AP3S1: variants seen among roughly 807,000 people sequenced by gnomAD.
AP3S1 encodes adaptor related protein complex 3 subunit sigma 1.
In AP3S1, 12 loss-of-function variants were observed where a neutral mutation model predicts 21.3. The ratio of observed to expected loss-of-function variants is 0.56; its 90% CI spans 0.36 to 0.91. The LOEUF (loss-of-function observed/expected upper bound fraction) is 0.91, where lower values mean the gene tolerates loss of function less well. AP3S1 is among the 40% of genes least tolerant of loss of function. The probability of loss-of-function intolerance (pLI) is 0.01; values close to 1 mark genes in which losing one functional copy is unlikely to be tolerated. For synonymous variants in AP3S1, 48 were observed against 78.4 expected, an observed-to-expected ratio of 0.61 and a Z score of 2.05; for missense variants, 116 against 225.0, an observed-to-expected ratio of 0.52 and a Z score of 3.10.
intron 1 of AP3S1, among the ~76,000 whole-genome samples, chr5:115,844,516 C>T (rs1761914413): frequency 6.6e-6 from 1 of 152,110 alleles, no homozygotes; most frequent in Non-Finnish European, 1.5e-5. Context: ...AAGAGCATCC[C>T]GGGTAGAAGG....
Position 115,866,713 on chromosome 5 carries a change from T to C in AP3S1, c.113T>C (p.Leu38Ser), listed in dbSNP as rs748328821. Residue 38 changes from leucine (L) to serine (S), a missense_variant, in exon 2 of 6, where the codon TTG becomes TCG. Coordinates refer to ENST00000316788, the MANE Select transcript of AP3S1 (RefSeq NM_001284.4). ...CAAATCATCAGGGAGACTTTCCATT[T>C]GGTATCTAAGAGAGATGAAAATGTT... ...QQQIIRETFH[L>S]VSKRDENVCN... 6.2e-7 allele frequency: 1 copy of C among 1,606,914 alleles called. No homozygotes were observed. The highest frequency in any genetic ancestry group is 1.7e-5 in the Admixed American group (1 of 59,392).
chr5:115,855,841 C>G (rs1315479205), intron 1 of AP3S1, among the ~76,000 whole-genome samples: 2 of 152,060 alleles, frequency 1.3e-5, no homozygotes, highest in African/African-American at 4.8e-5. Flanking sequence ...TAAGAAAATA[C>G]TTTCCTAAAT....
chr5:115,851,332 G>C (rs1420825914), intron 1 of AP3S1, among the ~76,000 whole-genome samples: 1 of 152,054 alleles, frequency 6.6e-6, no homozygotes, highest in African/African-American at 2.4e-5. Context: ...CTTTTTATAG[G>C]TACATACCCA....
intron 1 of AP3S1, chr5:115,852,977 A>G (rs1239880185): frequency 2.2e-6 from 1 of 453,566 alleles, no homozygotes; most frequent in Non-Finnish European, 4.4e-6. Flanking sequence ...TCATTTCTCT[A>G]GGGTATATAA....
Position 115,860,203 on chromosome 5 carries a change from C to T in AP3S1, c.70-6467C>T, listed in dbSNP as rs1580637977. 2.6e-5 allele frequency among the ~76,000 whole-genome samples: 4 copies of T among 152,328 alleles called. No individual in the cohort carries two copies. The South Asian group carries it at 8.3e-4, about 32-fold the overall frequency. ...TGATTCTTTTTCTCTAGTCACATCT[C>T]CCTCTGACCACAGCCCAGGAAAGAT... is the stretch of plus-strand genomic sequence containing the variant. On this transcript the variant is annotated intron_variant, in intron 1 of 5. Coordinates refer to ENST00000316788, the MANE Select transcript of AP3S1 (RefSeq NM_001284.4).
intron 5 of AP3S1, among the ~76,000 whole-genome samples, chr5:115,910,168 G>C (rs1751981912): frequency 6.6e-6 from 1 of 150,942 alleles, no homozygotes; most frequent in Admixed American, 6.6e-5. Flanking sequence ...TCAGGAGACA[G>C]ATGGGAAGAT....
chr5:115,874,343 G>A (rs1035647518), intron 3 of AP3S1, among the ~76,000 whole-genome samples: 14 of 151,976 alleles, frequency 9.2e-5, no homozygotes, highest in African/African-American at 3.4e-4. Flanking sequence ...ATATTTACAG[G>A]ATGAGAATAG....
chr5:115,903,372 A>G (rs1404946712), intron 5 of AP3S1: 1 of 154,334 alleles, frequency 6.5e-6, no homozygotes, highest in East Asian at 1.9e-4. Flanking sequence ...TTACAAAACT[A>G]CTTCTGGAAA....
At chr5:115,879,705 G>T (rs1352002080) in intron 3 of AP3S1, among the ~76,000 whole-genome samples, 1 of 152,222 alleles carries the variant, frequency 6.6e-6, no homozygotes, top group African/African-American at 2.4e-5. Flanking sequence ...ATATCAGGAT[G>T]ATGATGGCCT....
At chr5:115,852,970 T>G (rs1419976785) in intron 1 of AP3S1, 4 of 450,514 alleles carry the variant, frequency 8.9e-6, no homozygotes, top group South Asian at 6.3e-5. Flanking sequence ...TATATTCTCA[T>G]TTCTCTAGGG....
chr5:115,854,497 TG>T (rs1762659830), intron 1 of AP3S1, among the ~76,000 whole-genome samples: 1 of 152,130 alleles, frequency 6.6e-6, no homozygotes, highest in Admixed American at 6.5e-5. Context: ...CTATCCTGAT[TG>T]CTGGTTCTTT....
intron 4 of AP3S1, among the ~76,000 whole-genome samples, chr5:115,898,207 C>G (rs565237100): frequency 1.3e-5 from 2 of 152,234 alleles, no homozygotes; most frequent in South Asian, 2.1e-4. Context: ...TTCAGGGTAT[C>G]ACAGATGATA....
intron 4 of AP3S1, among the ~76,000 whole-genome samples, chr5:115,896,615 C>CA (rs1385389974): frequency 1.2e-4 from 18 of 151,976 alleles, no homozygotes; most frequent in Non-Finnish European, 8.8e-5. Flanking sequence ...CTGGTCTCTA[C>CA]AAAAAATACA....
chr5:115,855,380 C>T (rs552486415), intron 1 of AP3S1, among the ~76,000 whole-genome samples: 287 of 152,170 alleles, frequency 1.9e-3, no homozygotes, highest in African/African-American at 6.5e-3. Context: ...CGCTCAGCCA[C>T]CTAGGCTGGA....
intron 3 of AP3S1, among the ~76,000 whole-genome samples, chr5:115,871,951 G>C (rs1157752677): frequency 6.6e-6 from 1 of 152,152 alleles, no homozygotes. Context: ...TTACAGAATA[G>C]ACAAGAAATT....
chr5:115,860,597 G>T (rs1381857990), intron 1 of AP3S1, among the ~76,000 whole-genome samples: 1 of 152,004 alleles, frequency 6.6e-6, no homozygotes, highest in African/African-American at 2.4e-5. Flanking sequence ...AATTCATGAG[G>T]TTTTTGCCTA....
chr5:115,882,330 T>A (rs1425416117), intron 3 of AP3S1, among the ~76,000 whole-genome samples: 1 of 152,090 alleles, frequency 6.6e-6, no homozygotes, highest in Non-Finnish European at 1.5e-5. Context: ...TTCCTCATCT[T>A]TGTGGATTTA....
At chr5:115,880,983 G>C (rs887111820) in intron 3 of AP3S1, among the ~76,000 whole-genome samples, 11 of 151,086 alleles carry the variant, frequency 7.3e-5, no homozygotes, top group Admixed American at 7.2e-4. Flanking sequence ...ATCTTTGTTG[G>C]TTTAAAGTCT....
intron 3 of AP3S1, among the ~76,000 whole-genome samples, chr5:115,890,619 T>G (rs1225602471): frequency 6.6e-6 from 1 of 152,248 alleles, no homozygotes; most frequent in Non-Finnish European, 1.5e-5. Context: ...TACTTTTCTA[T>G]GTGTATGTTA....
Sources: allele counts gnomAD v4.1 joint callset (sites outside exome capture counted in the v4.1 genomes callset), GRCh38; gene constraint gnomAD v4.1.1; transcripts MANE v1.5; gene names NCBI Gene and HGNC (gene_info 2026-07-23, HGNC 2026-07-21).